The following GGA2 variants were observed in gnomAD, a reference collection of about 807,000 sequenced individuals.
GGA2 encodes ADP-ribosylation factor-binding protein GGA2.
In GGA2, 48 loss-of-function variants were observed where a neutral mutation model predicts 79.5. The observed-to-expected ratio is 0.60, with a 90% CI of 0.48 to 0.77. GGA2 has a LOEUF of 0.77. Ranked by LOEUF, GGA2 falls within the 30% of genes least tolerant of loss-of-function variation. The probability of loss-of-function intolerance (pLI) is 0.00; values close to 1 mark genes in which losing one functional copy is unlikely to be tolerated. For missense variants in GGA2, 770 were observed against 774.0 expected (o/e 0.99, Z 0.06); for synonymous variants, 317 against 302.0 (o/e 1.05, Z -0.51).
chr16:23,479,065 T>C, intron 11 of GGA2, 154 bp from the exon 12 acceptor site: 1 of 658,268 alleles, frequency 1.5e-6, no homozygotes. Context: ...GGCCAATCTG[T>C]GACTAATATG....
At chr16:23,513,796 A>AG (rs1465700014), upstream of GGA2, among the ~76,000 whole-genome samples, 1 of 37,750 alleles carries the variant, frequency 2.6e-5, no homozygotes, top group Non-Finnish European at 5.4e-5. Flanking sequence ...AAAAAAAAAA[A>AG]AAAAGAAAGA....
chr16:23,514,010 T>C (rs1209731061), upstream of GGA2, among the ~76,000 whole-genome samples: 1 of 152,116 alleles, frequency 6.6e-6, no homozygotes, highest in African/African-American at 2.4e-5. Flanking sequence ...TTCAATCCTA[T>C]TTCTACCTGG....
chr16:23,495,546 C>T (rs1046095190), intron 2 of GGA2, 148 bp downstream of exon 2: 6 of 445,648 alleles, frequency 1.3e-5, no homozygotes, highest in Non-Finnish European at 2.4e-5. Context: ...ATCCTCCTGC[C>T]TTGGTCTCCC....
intron 2 of GGA2, among the ~76,000 whole-genome samples, chr16:23,516,834 G>A (rs1726734068): frequency 6.6e-6 from 1 of 152,144 alleles, no homozygotes; most frequent in Admixed American, 6.5e-5. Flanking sequence ...GTACTTAGGA[G>A]TTTCCTTGCT....
chr16:23,469,065 G>C (rs1371507813), intron 15 of GGA2, 69 bp from the exon 16 acceptor site: 16 of 996,508 alleles, frequency 1.6e-5, no homozygotes, highest in Non-Finnish European at 2.6e-5. Context: ...GATCAGGTGA[G>C]GGGGAGCTGG....
upstream of GGA2, among the ~76,000 whole-genome samples, chr16:23,512,957 G>T (rs1191820198): frequency 6.6e-6 from 1 of 151,924 alleles, no homozygotes; most frequent in African/African-American, 2.4e-5. Flanking sequence ...CGCCCACCTC[G>T]GCCTCCCAAA....
At position 23,489,309 on chromosome 16, in the gene GGA2, G is replaced by A. The variant is rs549599243; in HGVS notation, c.476-600C>T. Among the ~76,000 whole-genome samples the A allele has an allele frequency of 1.1e-4, 16 of 152,242 alleles. No homozygotes were observed. In the East Asian group the frequency reaches 1.7e-3, roughly 17 times the overall value. ...GAATGCAGTGGTGTGATCATGGCTCGCTGCAGCCTCAAACTCCTAAGGTCA... is the reference window on the plus strand; with the variant it reads ...GAATGCAGTGGTGTGATCATGGCTCACTGCAGCCTCAAACTCCTAAGGTCA... On this transcript the variant is annotated intron_variant, in intron 5 of 16. Coordinates refer to ENST00000309859, the MANE Select transcript of GGA2 (RefSeq NM_015044.4).
rs1964449965 is a variant in GGA2 at position 23,467,328 on chromosome 16, A to C, written c.*262T>G. ...GTAGCAGAGATGATGATGATGAGAA[A>C]TGCTTCGCATTTCCCACACTGCCGA... On this transcript the variant is annotated 3_prime_UTR_variant, in exon 17 of 17. Transcript: ENST00000309859. 1 of 425,784 alleles carries C rather than the reference A, an allele frequency of 2.3e-6. No homozygotes were observed. Among genetic ancestry groups the C allele is most frequent in the Non-Finnish European group, 4.2e-6 (1 of 235,304 alleles). 26.4% of individuals were successfully genotyped at this position (425,784 alleles called of 1,614,324 possible).
upstream of GGA2, among the ~76,000 whole-genome samples, chr16:23,512,285 C>T (rs1316654501): frequency 6.6e-6 from 1 of 152,226 alleles, no homozygotes; most frequent in African/African-American, 2.4e-5. Context: ...CAACCTCCAT[C>T]TGGCAACCTC....
intron 1 of GGA2, among the ~76,000 whole-genome samples, chr16:23,496,171 T>TCA (rs1399318334): frequency 6.6e-6 from 1 of 151,636 alleles, no homozygotes; most frequent in East Asian, 1.9e-4. Flanking sequence ...GGCATGGTGA[T>TCA]CCATGCCTGT....
rs140536449 is a variant in GGA2, at chr16:23,477,034, C to A, written c.1292+1334G>T. Among the ~76,000 whole-genome samples the A allele has an allele frequency of 6.6e-5, 10 of 152,304 alleles. No homozygotes were observed. The East Asian group carries it at 1.7e-3, about 26-fold the overall frequency. ...TGGCATAGTAATGGCTCACTGCAGCCTCGACTTTCCGGGCTCAAGTGATCC... is the reference window on the plus strand; with the variant it reads ...TGGCATAGTAATGGCTCACTGCAGCATCGACTTTCCGGGCTCAAGTGATCC... On this transcript the variant is annotated intron_variant, in intron 13 of 16. Transcript: ENST00000309859.
intron 9 of GGA2, 54 bp from the exon 10 acceptor site, chr16:23,480,824 GTCTTT>G: frequency 2.6e-6 from 4 of 1,563,350 alleles, no homozygotes; most frequent in Non-Finnish European, 3.5e-6. Flanking sequence ...AACAATCTCA[GTCTTT>G]TCTAAGCTTT....
chr16:23,486,678 A>G (rs2142126792), intron 7 of GGA2, 32 bp downstream of exon 7: 1 of 1,246,348 alleles, frequency 8.0e-7, no homozygotes. Flanking sequence ...GTCAAATGCT[A>G]CTTCTACTGA....
At chr16:23,502,336 T>C (rs779059654) in intron 1 of GGA2, among the ~76,000 whole-genome samples, 3 of 152,220 alleles carry the variant, frequency 2.0e-5, no homozygotes, top group Non-Finnish European at 4.4e-5. Context: ...CCCAGGCCGA[T>C]AATGGTCATG....
chr16:23,465,094 C>T lies in GGA2; in HGVS notation c.*2496G>A. The T allele has an allele frequency of 5.3e-6, 3 of 562,946 alleles. No individual in the cohort carries two copies. The highest frequency in any genetic ancestry group is 9.5e-6 in the Non-Finnish European group (3 of 316,008). 34.9% of individuals were successfully genotyped at this position (562,946 alleles called of 1,614,324 possible). A position where few individuals can be genotyped will look rare whatever the true frequency, so the allele number is the denominator to read the frequency against. ...CACACACATCATGAATTTGCTTCTCCCCAGAGGAAAAGAAGCTCCTTCAGG... is the reference window on the plus strand; with the variant it reads ...CACACACATCATGAATTTGCTTCTCTCCAGAGGAAAAGAAGCTCCTTCAGG... On this transcript the variant is annotated 3_prime_UTR_variant, in exon 17 of 17. Coordinates refer to ENST00000309859, the MANE Select transcript of GGA2 (RefSeq NM_015044.4).
At position 23,466,915 on chromosome 16, in the gene GGA2, A is replaced by C. The variant is rs1175733450; in HGVS notation, c.*675T>G. ...TGCCCAGGAACTCTGTCCAGGGGCG[A>C]TTCTAAGGCACAGTGGTGAAGGACA... On this transcript the variant is annotated 3_prime_UTR_variant, in exon 17 of 17. Coordinates refer to ENST00000309859, the MANE Select transcript of GGA2 (RefSeq NM_015044.4). 1 of 152,874 alleles carries C rather than the reference A, an allele frequency of 6.5e-6. No individual in the cohort carries two copies. Among genetic ancestry groups the C allele is most frequent in the Admixed American group, 6.5e-5 (1 of 15,284 alleles). 9.5% of individuals were successfully genotyped at this position (152,874 alleles called of 1,614,324 possible).
intron 13 of GGA2, 112 bp from the exon 14 acceptor site, chr16:23,475,173 G>T: frequency 3.9e-5 from 20 of 512,488 alleles, no homozygotes; most frequent in East Asian, 7.6e-5. Context: ...CACACACAGA[G>T]TTAGATGTTA....
In GGA2 at chr16:23,493,424, T is replaced by C; in HGVS notation, c.287A>G (p.Lys96Arg). The stretch of plus-strand genomic sequence containing the variant: ...AAATTTGGCCACCTCGCTGTGGAAC[T>C]TCTCCCCACAGTGGTTCATGCACAT... ...LEMCMNHCGE[K>R]FHSEVAKFRF... is the part of the protein sequence containing the mutation. Residue 96 changes from lysine to arginine, a missense_variant, in exon 4 of 17, where the codon AAG (lysine) becomes AGG (arginine). Coordinates refer to ENST00000309859, the MANE Select transcript of GGA2 (RefSeq NM_015044.4). The C allele has an allele frequency of 6.2e-7, 1 of 1,612,384 alleles. No homozygotes were observed. The highest frequency in any genetic ancestry group is 8.5e-7 in the Non-Finnish European group (1 of 1,178,456).
chr16:23,495,627 A>T (rs1964845127), intron 2 of GGA2, 67 bp downstream of exon 2: 6 of 868,286 alleles, frequency 6.9e-6, no homozygotes, highest in Non-Finnish European at 9.3e-6. Flanking sequence ...CAGTCTTGAG[A>T]GACAAAGGCC....
Sources: gnomAD v4.1 joint callset for allele counts (sites outside exome capture counted in the v4.1 genomes callset) on GRCh38, gnomAD v4.1.1 for gene constraint, MANE v1.5 for transcripts, NCBI Gene and HGNC (gene_info 2026-07-23, HGNC 2026-07-21) for gene names.